Variants in ZFP64 observed in about 807,000 individuals in gnomAD.
ZFP64 encodes the protein zinc finger protein 64.
In ZFP64, 14 loss-of-function variants were observed where a neutral mutation model predicts 51.6. The observed-to-expected ratio is 0.27, with a 90% CI of 0.18 to 0.42. The LOEUF (loss-of-function observed/expected upper bound fraction) is 0.42, where lower values mean the gene tolerates loss of function less well. Among genes scored for constraint, ZFP64 ranks in the 10% least tolerant of loss-of-function variants. The pLI is 1.00. For missense variants in ZFP64, 754 were observed against 906.8 expected (o/e 0.83, Z 2.16); for synonymous variants, 375 against 361.4 (o/e 1.04, Z -0.43).
chr20:52,121,947 C>T (rs1979210030), intron 5 of ZFP64, among the ~76,000 whole-genome samples: 1 of 152,176 alleles, frequency 6.6e-6, no homozygotes, highest in Non-Finnish European at 1.5e-5. Context: ...TACATCTACT[C>T]CACCTGTGCT....
chr20:52,164,599 G>A, intron 4 of ZFP64, 96 bp downstream of exon 4: 6 of 1,041,610 alleles, frequency 5.8e-6, no homozygotes, highest in East Asian at 2.4e-5. Flanking sequence ...AGCCAGTGAC[G>A]TTTGGAGTGG....
At chr20:52,172,444 T>C (rs75578133) in intron 2 of ZFP64, among the ~76,000 whole-genome samples, 3,345 of 152,214 alleles carry the variant, frequency 0.022, 47 homozygotes, top group African/African-American at 0.035. Flanking sequence ...TTCTTGAGAA[T>C]TCTCAGTGGA....
At chr20:52,164,861 C>T (rs1982119943) in intron 3 of ZFP64, 104 bp from the exon 4 acceptor site, 2 of 891,704 alleles carry the variant, frequency 2.2e-6, no homozygotes, top group Non-Finnish European at 3.6e-6. Context: ...GAGTTAACAC[C>T]ACGGTAATGG....
rs1282125581 is a variant in ZFP64 at position 52,172,310 on chromosome 20, C to T, written c.287-6285G>A. Among the ~76,000 whole-genome samples the T allele has an allele frequency of 7.9e-5, 12 of 152,082 alleles. No homozygotes were observed. In the East Asian group the frequency reaches 2.4e-3, roughly 30 times the overall value. Reference sequence around the variant, plus strand: ...ATAGGGCCTTGACCAAGTCACTTCTCTGCTCTTCAGTTCTTTTGTCGGTAA... The same window carrying T: ...ATAGGGCCTTGACCAAGTCACTTCTTTGCTCTTCAGTTCTTTTGTCGGTAA... On this transcript the variant is annotated intron_variant, in intron 2 of 5. Transcript: ENST00000216923.
intron 4 of ZFP64, 146 bp downstream of exon 4, chr20:52,164,549 G>T: frequency 1.4e-6 from 1 of 706,778 alleles, no homozygotes; most frequent in Non-Finnish European, 2.4e-6. Context: ...TGTACAAATG[G>T]CACCTTATTT....
At chr20:52,137,375 A>G (rs1187574397) in intron 5 of ZFP64, among the ~76,000 whole-genome samples, 1 of 152,046 alleles carries the variant, frequency 6.6e-6, no homozygotes, top group Non-Finnish European at 1.5e-5. Flanking sequence ...TAAGAAGTGG[A>G]TCAGATTGGG....
chr20:52,156,091 AT>A (rs1268861559), intron 5 of ZFP64, among the ~76,000 whole-genome samples: 2 of 152,174 alleles, frequency 1.3e-5, no homozygotes, highest in African/African-American at 2.4e-5. Context: ...AAAATGAACC[AT>A]TTTCATAAAT....
In ZFP64 at chr20:52,098,381, G is replaced by A. The variant is rs555603411; in HGVS notation, c.913+57C>T. ...CAGGCAGCTCAGAGATTCACGTAGG[G>A]CTTGCAGATCAGTGCTTGGCTCAGA... On this transcript the variant is annotated intron_variant, in intron 6 of 8. Coordinates refer to the ZFP64 transcript ENST00000361387. The A allele has an allele frequency of 1.4e-5, 23 of 1,597,012 alleles. No individual in the cohort carries two copies. In the Admixed American group the frequency reaches 1.9e-4, roughly 13 times the overall value.
intron 5 of ZFP64, among the ~76,000 whole-genome samples, chr20:52,159,381 T>C (rs1981586469): frequency 6.6e-6 from 1 of 152,252 alleles, no homozygotes; most frequent in Non-Finnish European, 1.5e-5. Flanking sequence ...ATGCAGAATT[T>C]ATCAAAGATA....
At chr20:52,114,721 A>G (rs907484735) in intron 5 of ZFP64, among the ~76,000 whole-genome samples, 1 of 152,218 alleles carries the variant, frequency 6.6e-6, no homozygotes, top group African/African-American at 2.4e-5. Context: ...ATGTCCTGCC[A>G]ATCTATCAAT....
intron 1 of ZFP64, among the ~76,000 whole-genome samples, chr20:52,187,842 C>G (rs1041580283): frequency 1.3e-5 from 2 of 152,168 alleles, no homozygotes; most frequent in Admixed American, 6.6e-5. Context: ...ATGTCCTGCA[C>G]TTTGCAGAAC....
chr20:52,184,539 T>C (rs1983827650), intron 2 of ZFP64, among the ~76,000 whole-genome samples: 1 of 152,260 alleles, frequency 6.6e-6, no homozygotes, highest in Non-Finnish European at 1.5e-5. Context: ...AATCTTTCTG[T>C]GACTACACAC....
intron 5 of ZFP64, chr20:52,117,556 T>C (rs1978941104): frequency 1.9e-5 from 8 of 426,336 alleles, no homozygotes; most frequent in African/African-American, 4.1e-5. Flanking sequence ...GAGGTGGAGG[T>C]TGTGGTGAGC....
At chr20:52,187,692 G>T (rs916969573) in intron 1 of ZFP64, among the ~76,000 whole-genome samples, 1 of 151,878 alleles carries the variant, frequency 6.6e-6, no homozygotes, top group Non-Finnish European at 1.5e-5. Context: ...ATGCACAAAG[G>T]TAGTCTTGTA....
chr20:52,179,596 G>A (rs1983473260), intron 2 of ZFP64, among the ~76,000 whole-genome samples: 1 of 152,184 alleles, frequency 6.6e-6, no homozygotes, highest in Non-Finnish European at 1.5e-5. Flanking sequence ...GGAGCTCACA[G>A]GCCAAACTGA....
intron 4 of ZFP64, among the ~76,000 whole-genome samples, chr20:52,163,001 G>A (rs1417496134): frequency 6.6e-6 from 1 of 152,172 alleles, no homozygotes; most frequent in Non-Finnish European, 1.5e-5. Flanking sequence ...CTGCGGATTT[G>A]CAGAAATAGA....
downstream of ZFP64, among the ~76,000 whole-genome samples, chr20:52,150,987 G>A (rs1980763713): frequency 6.6e-6 from 1 of 152,304 alleles, no homozygotes; most frequent in Middle Eastern, 3.4e-3. Flanking sequence ...CTCAAAAATG[G>A]TATTCTAGAA....
At chr20:52,159,401 T>TA (rs1290406233) in intron 5 of ZFP64, among the ~76,000 whole-genome samples, 1 of 152,250 alleles carries the variant, frequency 6.6e-6, no homozygotes, top group Non-Finnish European at 1.5e-5. Flanking sequence ...ACATGGCTTA[T>TA]ACGTGTATTT....
chr20:52,153,001 C>G lies in ZFP64; in HGVS notation c.1191G>C (p.Met397Ile). The G allele has an allele frequency of 6.2e-7, 1 of 1,613,974 alleles. No homozygotes were observed. Among genetic ancestry groups the G allele is most frequent in the Non-Finnish European group, 8.5e-7 (1 of 1,180,046 alleles). The change falls in exon 6 of 6, where the codon ATG becomes ATC. Residue 397 changes from methionine to isoleucine, a missense_variant. By Grantham distance (10) the Met-to-Ile change is conservative. Around this residue, in one of 3 missense-constraint regions of ZFP64, gnomAD observed 428 missense variants for 472.4 expected, o/e 0.91. Coordinates refer to ENST00000216923, the MANE Select transcript of ZFP64 (RefSeq NM_018197.3). This position sits in a 1 kb window ranked among gnomAD's most constrained non-coding sequence, Gnocchi z 5.1. Reference sequence around the variant, plus strand: ...TCCTCTCTAGAGCCTCAGTCTTAACCATGTCCCCATGGAACTTCTTCATGT... The same window carrying G: ...TCCTCTCTAGAGCCTCAGTCTTAACGATGTCCCCATGGAACTTCTTCATGT... ...SKHMKKFHGD[M>I]VKTEALERKD...
Sources: allele counts gnomAD v4.1 joint callset (sites outside exome capture counted in the v4.1 genomes callset), GRCh38; gene constraint gnomAD v4.1.1; regional missense constraint gnomAD v4.1.1; non-coding constraint Gnocchi (gnomAD v3.1); transcripts MANE v1.5; gene names NCBI Gene and HGNC (gene_info 2026-07-23, HGNC 2026-07-21).